SMC4: variants seen among roughly 807,000 people sequenced by gnomAD.
The protein encoded by SMC4 is structural maintenance of chromosomes protein 4.
Under a neutral mutation model 145.6 loss-of-function variants are expected in SMC4, and 87 were observed. The observed-to-expected ratio is 0.60, with a 90% CI of 0.50 to 0.71. SMC4 has a LOEUF of 0.71. Ranked by LOEUF, SMC4 falls within the 30% of genes least tolerant of loss-of-function variation. The probability of loss-of-function intolerance (pLI) is 0.00; values close to 1 mark genes in which losing one functional copy is unlikely to be tolerated. For synonymous variants in SMC4, 558 were observed against 500.7 expected, an observed-to-expected ratio of 1.11 and a Z score of -1.53; for missense variants, 1,447 against 1,537.1, an observed-to-expected ratio of 0.94 and a Z score of 0.98.
chr3:160,413,387 C>T, intron 7 of SMC4, 86 bp from the exon 8 acceptor site: 2 of 1,283,118 alleles, frequency 1.6e-6, no homozygotes, highest in Non-Finnish European at 2.1e-6. Context: ...ATTTTAGAAA[C>T]AGTTAGTTTT....
At chr3:160,418,160 A>C (rs1316791837) in intron 11 of SMC4, among the ~76,000 whole-genome samples, 1 of 152,120 alleles carries the variant, frequency 6.6e-6, no homozygotes, top group Non-Finnish European at 1.5e-5. Context: ...GAAGCACCAT[A>C]TAGTAAGTAA....
chr3:160,414,556 A>AATATCATACC (rs1559998747), intron 9 of SMC4, 39 bp downstream of exon 9: 3 of 1,559,302 alleles, frequency 1.9e-6, no homozygotes, highest in Middle Eastern at 2.1e-4. Flanking sequence ...TTCACGTCTG[A>AATATCATACC]ATATCATACC....
At chr3:160,426,630 ACTT>A (rs1356387654) in intron 17 of SMC4, among the ~76,000 whole-genome samples, 3 of 152,046 alleles carry the variant, frequency 2.0e-5, no homozygotes, top group Non-Finnish European at 4.4e-5. Context: ...TTCTTTCATA[ACTT>A]CTTCTTGTGC....
intron 9 of SMC4, among the ~76,000 whole-genome samples, 196 bp from the exon 10 acceptor site, chr3:160,416,055 T>C (rs1716543594): frequency 6.6e-6 from 1 of 152,172 alleles, no homozygotes; most frequent in Admixed American, 6.5e-5. Flanking sequence ...AGAAGTAGTT[T>C]TACTATTAGA....
chr3:160,426,306 A>ATGACTT, intron 17 of SMC4, 106 bp downstream of exon 17: 1 of 807,730 alleles, frequency 1.2e-6, no homozygotes, highest in Non-Finnish European at 2.1e-6. Context: ...AGTATATGCA[A>ATGACTT]GTCATTGCAC....
intron 14 of SMC4, 23 bp downstream of exon 14, chr3:160,423,673 G>A (rs1323608202): frequency 6.3e-7 from 1 of 1,597,994 alleles, no homozygotes; most frequent in Admixed American, 1.7e-5. Flanking sequence ...TTGTTTCTTG[G>A]TTTGTTTTTT....
intron 19 of SMC4, 57 bp from the exon 20 acceptor site, chr3:160,430,975 G>A: frequency 1.3e-6 from 2 of 1,516,512 alleles, no homozygotes; most frequent in South Asian, 2.5e-5. Flanking sequence ...TCTCTGTAAT[G>A]TGAAAATGAT....
At position 160,408,941 on chromosome 3, in the gene SMC4, A is replaced by T. The variant is rs1487121137; in HGVS notation, c.688-2979A>T. On this transcript the variant is annotated intron_variant, in intron 5 of 23. Transcript: ENST00000357388. ...CTGTTAATAGCCTGTTGATTCAATA[A>T]TGCTAATCTGATAATATGGTAACTG... is the stretch of plus-strand genomic sequence containing the variant. Among the ~76,000 whole-genome samples, 8 of 152,132 alleles carry T rather than the reference A, an allele frequency of 5.3e-5. 1 individual carries two copies. Among genetic ancestry groups the T allele is most frequent in the African/African-American group, 1.9e-4 (8 of 41,428 alleles).
chr3:160,405,912 T>C (rs1715275912), intron 5 of SMC4, among the ~76,000 whole-genome samples: 1 of 152,026 alleles, frequency 6.6e-6, no homozygotes, highest in African/African-American at 2.4e-5. Flanking sequence ...TACTTATGTT[T>C]ATCTTTTGCT....
Position 160,431,268 on chromosome 3 carries a change from G to A in SMC4, c.3114+63G>A, listed in dbSNP as rs531136820. The A allele has an allele frequency of 1.8e-5, 25 of 1,412,938 alleles. No homozygotes were observed. In the South Asian group the frequency reaches 2.8e-4, roughly 16 times the overall value. The allele number at this position is 1,412,938 out of a possible 1,614,324, so 87.5% of individuals were successfully genotyped here. ...TCTTTATGAAAAAGGAGGGTTTGGG[G>A]AGGATTGTTTTAGGGGGTTGGGGTT... On this transcript the variant is annotated intron_variant, in intron 20 of 23. Coordinates refer to ENST00000357388, the MANE Select transcript of SMC4 (RefSeq NM_001002800.3).
intron 7 of SMC4, chr3:160,412,764 C>A: frequency 1.2e-6 from 1 of 861,446 alleles, no homozygotes; most frequent in South Asian, 4.6e-5. Flanking sequence ...ACCTGTCATC[C>A]CGTTGATCAC....
intron 5 of SMC4, among the ~76,000 whole-genome samples, chr3:160,407,472 A>C (rs1362087592): frequency 6.6e-6 from 1 of 152,064 alleles, no homozygotes; most frequent in Admixed American, 6.5e-5. Flanking sequence ...AGGACTGCTT[A>C]AACCCAGGAG....
At chr3:160,418,682 A>G (rs17826191) in intron 11 of SMC4, among the ~76,000 whole-genome samples, 2,521 of 152,314 alleles carry the variant, frequency 0.017, 33 homozygotes, top group Non-Finnish European at 0.023. Context: ...GGGATGAATT[A>G]TGTCAGTAAC....
chr3:160,429,865 C>A (rs968865330), intron 18 of SMC4, among the ~76,000 whole-genome samples: 1 of 151,812 alleles, frequency 6.6e-6, no homozygotes, highest in Non-Finnish European at 1.5e-5. Flanking sequence ...TACAGGCACA[C>A]GCTACCAGGC....
intron 7 of SMC4, among the ~76,000 whole-genome samples, chr3:160,413,169 A>T (rs1716203748): frequency 6.6e-6 from 1 of 151,596 alleles, no homozygotes; most frequent in Admixed American, 6.6e-5. Flanking sequence ...TTTTTGGTAG[A>T]GATGGGGTTT....
In SMC4 at chr3:160,418,105, A is replaced by G. The variant is rs570237650; in HGVS notation, c.1671+149A>G. 1.8e-4 allele frequency: 123 copies of G among 676,604 alleles called. No individual in the cohort carries two copies. The African/African-American group carries it at 2.1e-3, about 11-fold the overall frequency. 41.9% of individuals were successfully genotyped at this position (676,604 alleles called of 1,614,324 possible). ...AAAAGAATGAGGTCAGCATTTCAGT[A>G]TTCCATATGTGAACTGAGACTATCA... On this transcript the variant is annotated intron_variant, in intron 11 of 23. Coordinates refer to ENST00000357388, the MANE Select transcript of SMC4 (RefSeq NM_001002800.3).
chr3:160,411,938 G>C lies in SMC4; in HGVS notation c.706G>C (p.Ala236Pro), dbSNP rs776739461. ...TTTAAAGGGTGAAGTTGAACAAATT[G>C]CTATGATGAAACCAAAAGGCCAGAC... ...LILQGEVEQIAMMKPKGQTEH... is the reference protein window; with the variant it reads ...LILQGEVEQIPMMKPKGQTEH... Residue 236 changes from alanine to proline, a missense_variant, in exon 6 of 24, where the codon GCT becomes CCT. Coordinates refer to ENST00000357388, the MANE Select transcript of SMC4 (RefSeq NM_001002800.3). 1 of 1,612,846 alleles carries C rather than the reference G, an allele frequency of 6.2e-7. No individual in the cohort carries two copies. The highest frequency in any genetic ancestry group is 1.7e-5 in the Admixed American group (1 of 59,948).
intron 1 of SMC4, chr3:160,400,267 T>G (rs1296026380): frequency 6.6e-6 from 1 of 152,352 alleles, no homozygotes. Context: ...GGAGGGAGAC[T>G]TCGTTATGCC....
Position 160,400,806 on chromosome 3 carries a change from T to C in SMC4, c.-5-16T>C, listed in dbSNP as rs371279027. On this transcript the variant is annotated splice_polypyrimidine_tract_variant and intron_variant, in intron 1 of 23. Coordinates refer to ENST00000357388, the MANE Select transcript of SMC4 (RefSeq NM_001002800.3). ...GCCCGCGGGCTGACTTGCTCCCGGC[T>C]GTCCCCCGGCCCCAGCGACCATGCC... 35 of 1,506,544 alleles carry C rather than the reference T, an allele frequency of 2.3e-5. 1 individual carries two copies. In the East Asian group the frequency reaches 4.0e-4, roughly 17 times the overall value. The allele number at this position is 1,506,544 out of a possible 1,614,324, so 93.3% of individuals were successfully genotyped here. A position where few individuals can be genotyped will look rare whatever the true frequency, so the allele number is the denominator to read the frequency against.
Sources: gnomAD v4.1 joint callset for allele counts (sites outside exome capture counted in the v4.1 genomes callset) on GRCh38, gnomAD v4.1.1 for gene constraint, MANE v1.5 for transcripts, NCBI Gene and HGNC (gene_info 2026-07-23, HGNC 2026-07-21) for gene names.